KIAA1217: variants seen among roughly 807,000 people sequenced by gnomAD.
The protein encoded by KIAA1217 is KIAA1217, also known as sickle tail protein homolog.
A neutral mutation model predicts 163.9 loss-of-function variants in KIAA1217; 88 were observed. The ratio of observed to expected loss-of-function variants is 0.54; its 90% CI spans 0.45 to 0.64. The LOEUF (loss-of-function observed/expected upper bound fraction) is 0.64, where lower values mean the gene tolerates loss of function less well. Among genes scored for constraint, KIAA1217 ranks in the 30% least tolerant of loss-of-function variants. KIAA1217 has a pLI of 0.00. For synonymous variants in KIAA1217, 903 were observed against 923.1 expected, an observed-to-expected ratio of 0.98 and a Z score of 0.39; for missense variants, 2,372 against 2,475.0, an observed-to-expected ratio of 0.96 and a Z score of 0.88.
intron 3 of KIAA1217, among the ~76,000 whole-genome samples, chr10:24,408,117 T>C (rs2057406470): frequency 6.6e-6 from 1 of 152,150 alleles, no homozygotes; most frequent in African/African-American, 2.4e-5. Context: ...GGTCAAATCA[T>C]CCAACTACTC....
At chr10:24,499,689 G>A (rs1196298240) in intron 8 of KIAA1217, among the ~76,000 whole-genome samples, 1 of 151,562 alleles carries the variant, frequency 6.6e-6, no homozygotes, top group Non-Finnish European at 1.5e-5. Context: ...CCAAGATCAT[G>A]CCACTGCACT....
chr10:23,763,926 G>A (rs929458837), intron 1 of KIAA1217, among the ~76,000 whole-genome samples: 5 of 151,990 alleles, frequency 3.3e-5, no homozygotes, highest in Admixed American at 1.3e-4. Context: ...AAAGCCAAAA[G>A]CAATTGCAAC....
chr10:24,361,327 G>A (rs1465714544), intron 2 of KIAA1217, among the ~76,000 whole-genome samples: 2 of 152,004 alleles, frequency 1.3e-5, no homozygotes, highest in African/African-American at 2.4e-5. Context: ...AGTTGGTACT[G>A]CAGGCAGACG....
chr10:24,149,466 G>A lies in KIAA1217; in HGVS notation c.-170-70160G>A, dbSNP rs116586915. Among the ~76,000 whole-genome samples, 481 of 151,920 alleles carry A rather than the reference G, an allele frequency of 3.2e-3. 3 individuals are homozygous for A. The highest frequency in any genetic ancestry group is 0.011 in the African/African-American group (465 of 41,338). On this transcript the variant is annotated intron_variant, in intron 2 of 18. Transcript: ENST00000376462. ...CCCAAAGTGTTGGGATTACAGTCAT[G>A]AGCCTCCATGCCTGGCCCTATTTTT...
intron 2 of KIAA1217, among the ~76,000 whole-genome samples, chr10:24,148,756 T>A (rs768757553): frequency 6.6e-6 from 1 of 152,184 alleles, no homozygotes; most frequent in Non-Finnish European, 1.5e-5. Context: ...CCCTCTGTTT[T>A]TTTACAAATT....
At chr10:23,810,642 T>A (rs1836970271) in intron 1 of KIAA1217, among the ~76,000 whole-genome samples, 1 of 129,326 alleles carries the variant, frequency 7.7e-6, no homozygotes, top group Admixed American at 8.4e-5. Flanking sequence ...ATAATAAATA[T>A]ATAGTGTGTA....
At chr10:23,771,523 G>C (rs962059699) in intron 1 of KIAA1217, among the ~76,000 whole-genome samples, 1 of 152,166 alleles carries the variant, frequency 6.6e-6, no homozygotes, top group Non-Finnish European at 1.5e-5. Flanking sequence ...ATTAGATATA[G>C]TATCCCTGGC....
rs552952316 is a variant in KIAA1217, at chr10:24,375,384, T to G, written c.355-5485T>G. Reference sequence around the variant, plus strand: ...TGTAAAAAGGACTCTGTAAGCAAATTTAGAAGCGTAGAGCTTCCAAAGTGA... The same window carrying G: ...TGTAAAAAGGACTCTGTAAGCAAATGTAGAAGCGTAGAGCTTCCAAAGTGA... On this transcript the variant is annotated intron_variant, in intron 2 of 20. Coordinates refer to ENST00000376454, the MANE Select transcript of KIAA1217 (RefSeq NM_019590.5). Among the ~76,000 whole-genome samples the G allele has an allele frequency of 2.0e-5, 3 of 152,298 alleles. No individual in the cohort carries two copies. In the South Asian group the frequency reaches 6.2e-4, roughly 32 times the overall value.
chr10:23,815,437 G>A (rs888734770), intron 1 of KIAA1217, among the ~76,000 whole-genome samples: 10 of 152,166 alleles, frequency 6.6e-5, no homozygotes, highest in Non-Finnish European at 1.2e-4. Flanking sequence ...AAAGTCAGGA[G>A]ATCCAGACCA....
chr10:24,219,545 C>T lies in KIAA1217; in HGVS notation c.71-81C>T, dbSNP rs1442350271. On this transcript the variant is annotated intron_variant, in intron 1 of 20. Transcript: ENST00000376454. ...GTTAACATTCATACATTAACAACTG[C>T]CGCAAACCCTCTTGGTGTTCTGCAA... is the stretch of plus-strand genomic sequence containing the variant. 7 of 1,180,244 alleles carry T rather than the reference C, an allele frequency of 5.9e-6. No individual in the cohort carries two copies. The Admixed American group carries it at 2.2e-4, about 37-fold the overall frequency. The allele number at this position is 1,180,244 out of a possible 1,614,324, so 73.1% of individuals were successfully genotyped here. A position where few individuals can be genotyped will look rare whatever the true frequency, so the allele number is the denominator to read the frequency against.
chr10:23,815,559 A>G (rs1564445726), intron 1 of KIAA1217, among the ~76,000 whole-genome samples: 3 of 152,104 alleles, frequency 2.0e-5, no homozygotes, highest in Admixed American at 6.6e-5. Context: ...CAGGAGAATG[A>G]CGTGAACCTG....
At chr10:24,513,515 T>G (rs746520229) in intron 10 of KIAA1217, 81 bp downstream of exon 10, 2 of 1,381,770 alleles carry the variant, frequency 1.4e-6, no homozygotes. Flanking sequence ...TCCTTCCCAG[T>G]TGGTGGTCTT....
chr10:24,098,004 T>C (rs2062231027), intron 2 of KIAA1217, among the ~76,000 whole-genome samples: 1 of 151,954 alleles, frequency 6.6e-6, no homozygotes, highest in Non-Finnish European at 1.5e-5. Flanking sequence ...TCTGCTTGCA[T>C]GCCCTGGAGC....
rs555599150 is a variant in KIAA1217 at position 24,236,067 on chromosome 10, A to G, written c.354+16158A>G. Among the ~76,000 whole-genome samples, 15 of 152,222 alleles carry G rather than the reference A, an allele frequency of 9.9e-5. No individual in the cohort carries two copies. The East Asian group carries it at 2.5e-3, about 25-fold the overall frequency. On this transcript the variant is annotated intron_variant, in intron 2 of 20. Coordinates refer to ENST00000376454, the MANE Select transcript of KIAA1217 (RefSeq NM_019590.5). ...AATTACCTAACCTCTCTAAAGCTCA[A>G]TTTCTCCATTTGTAAAATGGGAATA...
intron 1 of KIAA1217, among the ~76,000 whole-genome samples, chr10:23,907,780 G>A (rs566654407): frequency 6.6e-6 from 1 of 152,230 alleles, no homozygotes; most frequent in East Asian, 1.9e-4. Context: ...AGCTACCTGG[G>A]CATCACTTAA....
intron 2 of KIAA1217, among the ~76,000 whole-genome samples, chr10:24,343,586 A>T (rs1238015710): frequency 2.0e-5 from 3 of 152,206 alleles, no homozygotes; most frequent in Non-Finnish European, 4.4e-5. Flanking sequence ...TAAAATTTTC[A>T]TGCAATCAAC....
chr10:24,168,711 C>T (rs1183533825), intron 2 of KIAA1217, among the ~76,000 whole-genome samples: 1 of 152,376 alleles, frequency 6.6e-6, no homozygotes, highest in East Asian at 1.9e-4. Flanking sequence ...TTCCTCTGTT[C>T]ACTGAAGCCA....
chr10:24,407,105 A>G (rs1002557655), intron 3 of KIAA1217, among the ~76,000 whole-genome samples: 2 of 152,134 alleles, frequency 1.3e-5, no homozygotes, highest in African/African-American at 2.4e-5. Flanking sequence ...AATTTTCTCC[A>G]TCTATAAAAT....
At chr10:23,817,976 T>C (rs1464020701) in intron 1 of KIAA1217, among the ~76,000 whole-genome samples, 4 of 102,170 alleles carry the variant, frequency 3.9e-5, no homozygotes, top group African/African-American at 1.3e-4. Flanking sequence ...TATATATATA[T>C]ATATATATAT....
Sources: gnomAD v4.1 joint callset for allele counts (sites outside exome capture counted in the v4.1 genomes callset) on GRCh38, gnomAD v4.1.1 for gene constraint, MANE v1.5 for transcripts, NCBI Gene and HGNC (gene_info 2026-07-23, HGNC 2026-07-21) for gene names.